SH3PXD2A: variants seen among roughly 807,000 people sequenced by gnomAD.
The protein encoded by SH3PXD2A is SH3 and PX domains 2A, also known as SH3 and PX domain-containing protein 2A.
Under a neutral mutation model 115.2 loss-of-function variants are expected in SH3PXD2A, and 32 were observed. The ratio of observed to expected loss-of-function variants is 0.28; its 90% CI spans 0.21 to 0.37. The LOEUF (loss-of-function observed/expected upper bound fraction) is 0.37, where lower values mean the gene tolerates loss of function less well. Among genes scored for constraint, SH3PXD2A ranks in the 10% least tolerant of loss-of-function variants. The pLI is 1.00. For missense variants in SH3PXD2A, 1,328 were observed against 1,498.7 expected (o/e 0.89, Z 1.88); for synonymous variants, 610 against 629.1 (o/e 0.97, Z 0.45).
At chr10:103,743,052 G>A (rs1288974105) in intron 3 of SH3PXD2A, among the ~76,000 whole-genome samples, 2 of 152,170 alleles carry the variant, frequency 1.3e-5, no homozygotes, top group Non-Finnish European at 2.9e-5. Flanking sequence ...ACAGCTCTCT[G>A]TGGTCCTGAG....
intron 3 of SH3PXD2A, among the ~76,000 whole-genome samples, chr10:103,762,845 A>G (rs542707713): frequency 1.3e-5 from 2 of 152,078 alleles, no homozygotes; most frequent in African/African-American, 4.8e-5. Context: ...GGTCAGCAGT[A>G]TACTGGCTCC....
chr10:103,602,754 G>A lies in SH3PXD2A; in HGVS notation c.2464C>T (p.Leu822Phe), dbSNP rs1246273846. ...GGAGTGGTGGCTGGGAGGGTGATGA[G>A]GTCGGATGAGCTTCTCCTAGACCCC... is the stretch of plus-strand genomic sequence containing the variant. ...SEGSRRSSSD[L>F]ITLPATTPPC... Residue 822 changes from leucine to phenylalanine, a missense_variant, in exon 15 of 15, where the codon CTC becomes TTC. By Grantham distance (22) the Leu-to-Phe change is conservative. Transcript: ENST00000369774. 2 of 1,613,988 alleles carry A rather than the reference G, an allele frequency of 1.2e-6. No homozygotes were observed. Among genetic ancestry groups the A allele is most frequent in the Non-Finnish European group, 1.7e-6 (2 of 1,180,006 alleles).
intron 1 of SH3PXD2A, among the ~76,000 whole-genome samples, chr10:103,810,950 G>GCACACACACA (rs1286107994): frequency 4.6e-3 from 22 of 4,824 alleles, no homozygotes; most frequent in African/African-American, 0.011. Context: ...AGGCGCGCGC[G>GCACACACACA]CGCACACACA....
intron 7 of SH3PXD2A, chr10:103,661,670 G>GGAGAGGGAGAGGAGA (rs1592287961): frequency 1.0e-6 from 1 of 985,072 alleles, no homozygotes; most frequent in East Asian, 1.1e-4. Context: ...CCCTCGGGCG[G>GGAGAGGGAGAGGAGA]GAGAGGGAGA....
In SH3PXD2A at chr10:103,622,462, G is replaced by A. The variant is rs534670375; in HGVS notation, c.802+8C>T. ...TGCGAGGGAGGAGAAGCCAGCTCCC[G>A]CAGTCACCTCGGCTGTGCTGCCTGT... On this transcript the variant is annotated splice_region_variant and intron_variant, in intron 10 of 14. Coordinates refer to ENST00000369774, the MANE Select transcript of SH3PXD2A (RefSeq NM_001394015.1). 1.5e-4 allele frequency: 225 copies of A among 1,541,574 alleles called. No homozygotes were observed. Among genetic ancestry groups the A allele is most frequent in the Middle Eastern group, 1.2e-3 (7 of 5,964 alleles).
At chr10:103,757,486 G>A (rs1479718042) in intron 3 of SH3PXD2A, among the ~76,000 whole-genome samples, 2 of 152,178 alleles carry the variant, frequency 1.3e-5, no homozygotes, top group Non-Finnish European at 2.9e-5. Flanking sequence ...GGAGGGTTGG[G>A]GGTAGGTGTT....
intron 11 of SH3PXD2A, among the ~76,000 whole-genome samples, chr10:103,614,656 G>A (rs1311591526): frequency 6.6e-6 from 1 of 152,058 alleles, no homozygotes; most frequent in Non-Finnish European, 1.5e-5. Flanking sequence ...AGTAGTCGCT[G>A]GCCAGTGCCC....
Position 103,843,360 on chromosome 10 carries a change from C to T in SH3PXD2A, c.72+11835G>A, listed in dbSNP as rs186219498. Among the ~76,000 whole-genome samples the T allele has an allele frequency of 1.1e-4, 17 of 152,310 alleles. No homozygotes were observed. In the East Asian group the frequency reaches 3.3e-3, roughly 29 times the overall value. On this transcript the variant is annotated intron_variant, in intron 1 of 14. Coordinates refer to ENST00000369774, the MANE Select transcript of SH3PXD2A (RefSeq NM_001394015.1). ...CTCTGGTTTCCAGAGCCTGGTTTTG[C>T]CTAAGCAAGCATGGGGCTGAAAATA...
chr10:103,777,283 A>C (rs2038889342), intron 2 of SH3PXD2A, among the ~76,000 whole-genome samples: 1 of 152,252 alleles, frequency 6.6e-6, no homozygotes, highest in Non-Finnish European at 1.5e-5. Flanking sequence ...TGCGTCCCTC[A>C]TGCCAGGGAA....
chr10:103,810,380 G>A (rs1589464652), intron 1 of SH3PXD2A, among the ~76,000 whole-genome samples: 1 of 152,182 alleles, frequency 6.6e-6, no homozygotes, highest in Admixed American at 6.5e-5. Flanking sequence ...GCAGTGGGAC[G>A]CACACTGACA....
intron 8 of SH3PXD2A, among the ~76,000 whole-genome samples, chr10:103,659,776 A>G (rs1434287113): frequency 6.6e-6 from 1 of 152,044 alleles, no homozygotes; most frequent in Non-Finnish European, 1.5e-5. Flanking sequence ...CACAAGTCAG[A>G]CCCTATACGC....
Position 103,601,757 on chromosome 10 carries a change from C to T in SH3PXD2A, c.*59G>A, listed in dbSNP as rs1279267536. On this transcript the variant is annotated 3_prime_UTR_variant, in exon 15 of 15. Coordinates refer to ENST00000369774, the MANE Select transcript of SH3PXD2A (RefSeq NM_001394015.1). ...TTCCTTTCCCTTTTGTTCGTCTCAC[C>T]GCTCATCCAGTGGGCGGCCAGAGAG... The T allele has an allele frequency of 4.2e-5, 32 of 758,220 alleles. No homozygotes were observed. In the Admixed American group the frequency reaches 7.8e-4, roughly 18 times the overall value. 47.0% of individuals were successfully genotyped at this position (758,220 alleles called of 1,614,324 possible). A position where few individuals can be genotyped will look rare whatever the true frequency, so the allele number is the denominator to read the frequency against.
chr10:103,676,291 A>G (rs2037532568), intron 6 of SH3PXD2A, among the ~76,000 whole-genome samples: 1 of 152,154 alleles, frequency 6.6e-6, no homozygotes, highest in South Asian at 2.1e-4. Flanking sequence ...AGCCCAACCC[A>G]GGGTAGGAAT....
chr10:103,837,589 G>A (rs151145736), intron 1 of SH3PXD2A, among the ~76,000 whole-genome samples: 100 of 152,352 alleles, frequency 6.6e-4, no homozygotes, highest in Non-Finnish European at 1.2e-3. Context: ...AGCTGTCAGT[G>A]TGCTGGATGC....
rs757256536 is a variant in SH3PXD2A, at chr10:103,627,141, G to C, written c.666C>G (p.Ala222=). ...QGWVPATYLE[A]QNGTRDDSDI... ...CGGAGTCATCCCGAGTACCATTCTGGGCCTCCAGGTAGGTGGCAGGGACCC... is the reference window on the plus strand; with the variant it reads ...CGGAGTCATCCCGAGTACCATTCTGCGCCTCCAGGTAGGTGGCAGGGACCC... The change falls in exon 9 of 15, where the codon GCC becomes GCG. Residue 222 remains alanine (A), a synonymous_variant. Transcript: ENST00000369774. The surrounding 1 kb of genome is among the most constrained non-coding windows in gnomAD (Gnocchi z 4.4). 13 of 1,613,614 alleles carry C rather than the reference G, an allele frequency of 8.1e-6. No homozygotes were observed. In the Admixed American group the frequency reaches 8.3e-5, roughly 10 times the overall value.
chr10:103,792,346 C>T (rs1285597735), intron 2 of SH3PXD2A, among the ~76,000 whole-genome samples: 4 of 152,272 alleles, frequency 2.6e-5, no homozygotes, highest in East Asian at 1.9e-4. Context: ...GGAGGCAGGC[C>T]GAGCTATTTG....
intron 8 of SH3PXD2A, among the ~76,000 whole-genome samples, chr10:103,650,502 T>C (rs1432104914): frequency 6.6e-6 from 1 of 152,212 alleles, no homozygotes; most frequent in Non-Finnish European, 1.5e-5. Flanking sequence ...CCAGGCACTG[T>C]GGCTGGATCA....
chr10:103,687,084 G>A (rs1315796630), intron 6 of SH3PXD2A, among the ~76,000 whole-genome samples: 3 of 152,064 alleles, frequency 2.0e-5, no homozygotes, highest in African/African-American at 4.8e-5. Context: ...GACCATGACC[G>A]GATGACTTTA....
At chr10:103,747,448 C>T (rs2038518748) in intron 3 of SH3PXD2A, among the ~76,000 whole-genome samples, 1 of 152,140 alleles carries the variant, frequency 6.6e-6, no homozygotes, top group Admixed American at 6.5e-5. Context: ...GGGAGGCTGC[C>T]CTCAGGAAAG....
Sources: allele counts gnomAD v4.1 joint callset (sites outside exome capture counted in the v4.1 genomes callset), GRCh38; gene constraint gnomAD v4.1.1; non-coding constraint Gnocchi (gnomAD v3.1); transcripts MANE v1.5; gene names NCBI Gene and HGNC (gene_info 2026-07-23, HGNC 2026-07-21).